EXD1: variants seen among roughly 807,000 people sequenced by gnomAD.
EXD1 encodes the protein piRNA biogenesis protein EXD1.
A neutral mutation model predicts 49.1 loss-of-function variants in EXD1; 63 were observed. The ratio of observed to expected loss-of-function variants is 1.28; its 90% CI spans 1.05 to 1.58. The LOEUF (loss-of-function observed/expected upper bound fraction) is 1.58. Among genes scored for constraint, EXD1 ranks in the 40% most tolerant of loss-of-function variants. EXD1 has a pLI of 0.00. For synonymous variants in EXD1, 234 were observed against 239.2 expected, an observed-to-expected ratio of 0.98 and a Z score of 0.20; for missense variants, 748 against 666.0, an observed-to-expected ratio of 1.12 and a Z score of -1.36.
chr15:41,220,357 G>A (rs1407835758), intron 2 of EXD1, among the ~76,000 whole-genome samples: 1 of 151,310 alleles, frequency 6.6e-6, no homozygotes, highest in East Asian at 1.9e-4. Flanking sequence ...TGCAACTTCC[G>A]CTTCCCAGGT....
chr15:41,196,651 G>A (rs1355201609), intron 7 of EXD1, among the ~76,000 whole-genome samples: 15 of 130,536 alleles, frequency 1.1e-4, no homozygotes, highest in African/African-American at 4.3e-4. Context: ...GGCTGGTCTC[G>A]AACTCCTGAC....
chr15:41,195,013 T>C (rs1595431186), intron 9 of EXD1, among the ~76,000 whole-genome samples: 1 of 152,190 alleles, frequency 6.6e-6, no homozygotes, highest in Non-Finnish European at 1.5e-5. Context: ...GATTTCCCTT[T>C]TACTATCATA....
At chr15:41,230,445 A>C in intron 1 of EXD1, 34 bp downstream of exon 1, 5 of 1,599,534 alleles carry the variant, frequency 3.1e-6, no homozygotes, top group Non-Finnish European at 3.4e-6. Context: ...CTCATTTTTA[A>C]GACAAAATAA....
chr15:41,223,146 T>A (rs969298910), intron 2 of EXD1, among the ~76,000 whole-genome samples: 3 of 152,054 alleles, frequency 2.0e-5, no homozygotes, highest in African/African-American at 7.2e-5. Flanking sequence ...TTAGGCTGGA[T>A]GTGGTGGCTC....
intron 9 of EXD1, 116 bp from the exon 10 acceptor site, chr15:41,191,701 TA>T: frequency 1.1e-6 from 1 of 925,874 alleles, no homozygotes; most frequent in Non-Finnish European, 1.6e-6. Flanking sequence ...ACCCACACGA[TA>T]GACCATGTCA....
chr15:41,197,525 G>A (rs1296314532), intron 7 of EXD1, among the ~76,000 whole-genome samples: 1 of 151,068 alleles, frequency 6.6e-6, no homozygotes, highest in African/African-American at 2.4e-5. Flanking sequence ...CACCACGCCC[G>A]GCCAATGATA....
At chr15:41,205,272 G>A (rs2140867315) in intron 7 of EXD1, among the ~76,000 whole-genome samples, 1 of 152,314 alleles carries the variant, frequency 6.6e-6, no homozygotes, top group African/African-American at 2.4e-5. Flanking sequence ...TGGAACAGGA[G>A]GGTAGAGGGC....
chr15:41,209,665 C>A, intron 6 of EXD1, 78 bp from the exon 7 acceptor site: 1 of 1,227,194 alleles, frequency 8.1e-7, no homozygotes, highest in Non-Finnish European at 1.2e-6. Context: ...GGCACAAATA[C>A]AATGGTCAGC....
intron 6 of EXD1, among the ~76,000 whole-genome samples, chr15:41,214,754 T>G (rs1445698027): frequency 6.6e-6 from 1 of 151,914 alleles, no homozygotes; most frequent in Non-Finnish European, 1.5e-5. Flanking sequence ...TTCTTCACTT[T>G]TTTTTTTTTG....
At chr15:41,229,873 G>A (rs1364994782) in intron 1 of EXD1, among the ~76,000 whole-genome samples, 1 of 152,132 alleles carries the variant, frequency 6.6e-6, no homozygotes, top group Non-Finnish European at 1.5e-5. Flanking sequence ...AAAGCCTTAG[G>A]TAACACTTAA....
At position 41,191,482 on chromosome 15, in the gene EXD1, T is replaced by C. The variant is rs781200606; in HGVS notation, c.824A>G (p.Lys275Arg). 6 of 1,612,880 alleles carry C rather than the reference T, an allele frequency of 3.7e-6. No individual in the cohort carries two copies. In the South Asian group the frequency reaches 6.6e-5, roughly 18 times the overall value. ...SLIKHLQVAP[K>R]YLSFLEKRQK... ...TCTCTTTTCTAGAAAGGAGAGATATTTAGGGGCTACTTGAAGGTGTTTGAT... is the reference window on the plus strand; with the variant it reads ...TCTCTTTTCTAGAAAGGAGAGATATCTAGGGGCTACTTGAAGGTGTTTGAT... Residue 275 changes from lysine (K) to arginine (R), a missense_variant, in exon 10 of 12, where the codon AAA (lysine) becomes AGA (arginine). By Grantham distance (26) the Lys-to-Arg change is conservative (BLOSUM62 2). Transcript: ENST00000458580.
rs200956295 is a variant in EXD1 at position 41,204,759 on chromosome 15, C to CAT, written c.534+4740_534+4741dup. Among the ~76,000 whole-genome samples, 775 of 151,958 alleles carry CAT rather than the reference C, an allele frequency of 5.1e-3. 4 individuals are homozygous for CAT. The highest frequency in any genetic ancestry group is 0.02 in the South Asian group (96 of 4,804). On this transcript the variant is annotated intron_variant, in intron 7 of 11. Coordinates refer to ENST00000458580, the MANE Select transcript of EXD1 (RefSeq NM_001286441.2). ...GTATGTACTTGTATATATACATACACATATATATATACACATATACACATA... is the reference window on the plus strand; with the variant it reads ...GTATGTACTTGTATATATACATACACATATATATATATACACATATACACATA...
In EXD1 at chr15:41,195,948, G is replaced by C. The variant is rs938774858; in HGVS notation, c.624C>G (p.Asp208Glu). 6.2e-7 allele frequency: 1 copy of C among 1,610,968 alleles called. No homozygotes were observed. The highest frequency in any genetic ancestry group is 1.3e-5 in the African/African-American group (1 of 74,860). Residue 208 changes from aspartate to glutamate, a missense_variant, in exon 8 of 12, where the codon GAC becomes GAG. Transcript: ENST00000458580. ...ATATACTTACCTTCAAAATTCTCTT[G>C]TCTTCTAGTATCATCTGAAGTCCAT... is the stretch of plus-strand genomic sequence containing the variant. ...FHNGLQMILE[D>E]KRILKVIHDC... is the part of the protein sequence containing the mutation.
intron 6 of EXD1, among the ~76,000 whole-genome samples, chr15:41,210,364 T>C (rs1274175325): frequency 1.3e-5 from 2 of 151,966 alleles, no homozygotes; most frequent in African/African-American, 4.8e-5. Flanking sequence ...ACTCTTCAGG[T>C]CCCTTAAAGC....
Position 41,190,064 on chromosome 15 carries a change from T to C in EXD1, c.929A>G (p.Glu310Gly), listed in dbSNP as rs1253777656. The change falls in exon 11 of 12, where the codon GAA (glutamate) becomes GGA (glycine). Residue 310 changes from glutamate (E) to glycine (G), a missense_variant. By Grantham distance (98) the Glu-to-Gly change is moderately conservative. Transcript: ENST00000458580. The part of the protein sequence containing the change: ...SPSLLKILAL[E>G]ATYLLPLRLA... The stretch of plus-strand genomic sequence containing the variant: ...GCGAAGGGGTAACAGGTAGGTAGCT[T>C]CCAGGGCCAAAATTTTCAGTAAAGA... 3 of 1,614,054 alleles carry C rather than the reference T, an allele frequency of 1.9e-6. No individual in the cohort carries two copies.
At chr15:41,222,111 CAAAA>C (rs748689155) in intron 2 of EXD1, among the ~76,000 whole-genome samples, 1 of 151,538 alleles carries the variant, frequency 6.6e-6, no homozygotes, top group African/African-American at 2.4e-5. Flanking sequence ...GAAAAAAAAA[CAAAA>C]AAAGAATTTT....
intron 11 of EXD1, among the ~76,000 whole-genome samples, chr15:41,189,415 G>A (rs1017182337): frequency 6.7e-6 from 1 of 150,318 alleles, no homozygotes; most frequent in African/African-American, 2.5e-5. Flanking sequence ...TGTAATCCCA[G>A]CACTTTGGGA....
chr15:41,198,947 C>T (rs988856086), intron 7 of EXD1, among the ~76,000 whole-genome samples: 14 of 151,046 alleles, frequency 9.3e-5, no homozygotes, highest in African/African-American at 3.2e-4. Context: ...GGATTACAGG[C>T]GTGAGCCACC....
intron 6 of EXD1, among the ~76,000 whole-genome samples, chr15:41,209,788 G>C (rs201613341): frequency 2.2e-5 from 3 of 135,504 alleles, no homozygotes; most frequent in Non-Finnish European, 4.9e-5. Context: ...CTTTTTTTTT[G>C]TTTTAGCAAA....
Sources: allele counts gnomAD v4.1 joint callset (sites outside exome capture counted in the v4.1 genomes callset), GRCh38; gene constraint gnomAD v4.1.1; transcripts MANE v1.5; gene names NCBI Gene and HGNC (gene_info 2026-07-23, HGNC 2026-07-21).